CAGE1: variants seen among roughly 807,000 people sequenced by gnomAD.
CAGE1 encodes cancer-associated gene 1 protein.
In CAGE1, 66 loss-of-function variants were observed where a neutral mutation model predicts 94.9. That is an observed-to-expected ratio of 0.70 (90% confidence interval 0.57 to 0.85). The LOEUF is 0.85. Ranked by LOEUF, CAGE1 falls within the 40% of genes least tolerant of loss-of-function variation. The pLI, the probability that CAGE1 is intolerant of heterozygous loss-of-function variation, is 0.00. For missense variants in CAGE1, 865 were observed against 950.4 expected (o/e 0.91, Z 1.18); for synonymous variants, 319 against 321.0 (o/e 0.99, Z 0.07).
intron 4 of CAGE1, 33 bp from the exon 5 acceptor site, chr6:7,374,164 C>G: frequency 6.5e-7 from 1 of 1,544,868 alleles, no homozygotes; most frequent in South Asian, 1.2e-5. Context: ...TAAGTGTGAA[C>G]GAGTAGAAAG....
chr6:7,344,259 C>T (rs930021455), intron 11 of CAGE1, among the ~76,000 whole-genome samples: 2 of 152,196 alleles, frequency 1.3e-5, no homozygotes, highest in African/African-American at 2.4e-5. Context: ...GTGGCGCTTG[C>T]GGGCCAGCTG....
Position 7,389,701 on chromosome 6 carries a change from G to A in CAGE1, c.-523C>T. ...CTCAACACGCCTTCCTGAGAGCACA[G>A]AACATCCACAGCCCTATACAGCGCG... On this transcript the variant is annotated 5_prime_UTR_variant, in exon 1 of 14. Transcript: ENST00000502583. The A allele has an allele frequency of 6.0e-6, 3 of 496,328 alleles. No individual in the cohort carries two copies. Among genetic ancestry groups the A allele is most frequent in the Non-Finnish European group, 7.3e-6 (2 of 273,430 alleles). The allele number at this position is 496,328 out of a possible 1,614,324, so 30.7% of individuals were successfully genotyped here. A position where few individuals can be genotyped will look rare whatever the true frequency, so the allele number is the denominator to read the frequency against.
chr6:7,340,846 CT>C, intron 11 of CAGE1: 1 of 412,076 alleles, frequency 2.4e-6, no homozygotes. Flanking sequence ...GCAAAGCCTG[CT>C]TCTGTTCCTG....
Position 7,385,851 on chromosome 6 carries a change from T to C in CAGE1, c.217A>G (p.Arg73Gly). The change falls in exon 3 of 14, where the codon AGG (arginine) becomes GGG (glycine). Residue 73 changes from arginine to glycine, a missense_variant. Transcript: ENST00000502583. ...AGTGTGGATTCATACTCATTTTCCCTTTCAAAATTCTTTATTTCGTTCTGT... is the reference window on the plus strand; with the variant it reads ...AGTGTGGATTCATACTCATTTTCCCCTTCAAAATTCTTTATTTCGTTCTGT... ...LPQNEIKNFE[R>G]ENEYESTLCE... 6.5e-7 allele frequency: 1 copy of C among 1,537,110 alleles called. No homozygotes were observed. Among genetic ancestry groups the C allele is most frequent in the Non-Finnish European group, 8.8e-7 (1 of 1,141,284 alleles).
intron 11 of CAGE1, 110 bp from the exon 12 acceptor site, chr6:7,334,200 C>G: frequency 1.6e-6 from 1 of 613,472 alleles, no homozygotes; most frequent in Non-Finnish European, 2.8e-6. Flanking sequence ...ATCTAATTAT[C>G]TATATGCTAT....
At chr6:7,381,811 G>A (rs979485514) in intron 3 of CAGE1, among the ~76,000 whole-genome samples, 3 of 151,068 alleles carry the variant, frequency 2.0e-5, no homozygotes, top group East Asian at 3.9e-4. Flanking sequence ...TTACAAGTGT[G>A]AGCCACTGTG....
chr6:7,337,480 G>A (rs1235980161), intron 11 of CAGE1, among the ~76,000 whole-genome samples: 2 of 152,112 alleles, frequency 1.3e-5, no homozygotes, highest in Non-Finnish European at 2.9e-5. Flanking sequence ...TGTTCTTCTA[G>A]ATATTTTATG....
At chr6:7,363,485 C>T (rs1760225797) in intron 9 of CAGE1, among the ~76,000 whole-genome samples, 1 of 152,190 alleles carries the variant, frequency 6.6e-6, no homozygotes, top group South Asian at 2.1e-4. Context: ...TCTAGCCTCT[C>T]TTAGTCTATA....
intron 9 of CAGE1, among the ~76,000 whole-genome samples, chr6:7,360,811 G>C (rs1341519927): frequency 6.6e-6 from 1 of 152,092 alleles, no homozygotes; most frequent in African/African-American, 2.4e-5. Context: ...GCCAGGTGGG[G>C]TAGTGCACGC....
chr6:7,377,930 A>G (rs1192878646), intron 4 of CAGE1, among the ~76,000 whole-genome samples: 1 of 152,198 alleles, frequency 6.6e-6, no homozygotes, highest in African/African-American at 2.4e-5. Flanking sequence ...CCAAATGATA[A>G]ACTAATATTT....
intron 4 of CAGE1, among the ~76,000 whole-genome samples, chr6:7,375,956 A>C (rs1163466491): frequency 6.6e-6 from 1 of 152,094 alleles, no homozygotes; most frequent in Non-Finnish European, 1.5e-5. Context: ...GCATCCCCTA[A>C]AGTTAACGTG....
Position 7,389,436 on chromosome 6 carries a change from G to A in CAGE1, c.-258C>T. On this transcript the variant is annotated 5_prime_UTR_variant, in exon 1 of 14. Coordinates refer to ENST00000502583, the MANE Select transcript of CAGE1 (RefSeq NM_001170692.2). ...GCTCCCGGAGTGCTGGAACGCCCCT[G>A]TGTGACGTCCGCCCGCGCCGGGGGA... The A allele has an allele frequency of 4.7e-6, 2 of 422,836 alleles. No individual in the cohort carries two copies. The highest frequency in any genetic ancestry group is 3.2e-5 in the South Asian group (2 of 61,824). The allele number at this position is 422,836 out of a possible 1,614,324, so 26.2% of individuals were successfully genotyped here. A position where few individuals can be genotyped will look rare whatever the true frequency, so the allele number is the denominator to read the frequency against.
intron 11 of CAGE1, among the ~76,000 whole-genome samples, chr6:7,336,745 A>T (rs1049733497): frequency 8.5e-5 from 13 of 152,126 alleles, no homozygotes; most frequent in African/African-American, 2.7e-4. Flanking sequence ...CCTGGACTCA[A>T]GTGATCCTGT....
intron 12 of CAGE1, chr6:7,331,566 C>A: frequency 2.8e-6 from 1 of 356,120 alleles, no homozygotes; most frequent in South Asian, 4.3e-5. Flanking sequence ...ACACACCATT[C>A]TGGGCCCCAT....
rs1219214408 is a variant in CAGE1 at position 7,352,293 on chromosome 6, AAAAAAAAAAAAAC to A, written c.2369+2735_2369+2747del. On this transcript the variant is annotated intron_variant, in intron 11 of 13. Coordinates refer to ENST00000502583, the MANE Select transcript of CAGE1 (RefSeq NM_001170692.2). ...TCAAGCCTTTTTACAATAGCTGCAA[AAAAAAAAAAAAAC>A]AAAAAAAAACAAAAAAAAAAAACCT... 3.7e-3 allele frequency among the ~76,000 whole-genome samples: 352 copies of A among 96,098 alleles called. 3 individuals carry two copies. Among genetic ancestry groups the A allele is most frequent in the African/African-American group, 0.026 (331 of 12,934 alleles). 63.0% of individuals were successfully genotyped at this position (96,098 alleles called of 152,430 possible).
In CAGE1 at chr6:7,363,146, T is replaced by C. The variant is rs527684227; in HGVS notation, c.2193+2322A>G. On this transcript the variant is annotated intron_variant, in intron 9 of 13. Coordinates refer to ENST00000502583, the MANE Select transcript of CAGE1 (RefSeq NM_001170692.2). ...TTAGCTGGGTGTGGTGGTGGGTGCT[T>C]GTAATCCCAGCTACTTAGGAGGCTG... Among the ~76,000 whole-genome samples, 13 of 152,230 alleles carry C rather than the reference T, an allele frequency of 8.5e-5. No individual in the cohort carries two copies. The East Asian group carries it at 1.9e-3, about 23-fold the overall frequency.
chr6:7,349,510 C>CA (rs925309559), intron 11 of CAGE1, among the ~76,000 whole-genome samples: 59 of 150,066 alleles, frequency 3.9e-4, no homozygotes, highest in African/African-American at 1.1e-3. Context: ...ATTTAAAAAA[C>CA]AAAAAAAAAC....
At chr6:7,351,787 ATCT>A (rs1344927815) in intron 11 of CAGE1, among the ~76,000 whole-genome samples, 1 of 152,314 alleles carries the variant, frequency 6.6e-6, no homozygotes, top group African/African-American at 2.4e-5. Context: ...AAATCATATG[ATCT>A]TCTCAATAGA....
intron 9 of CAGE1, among the ~76,000 whole-genome samples, chr6:7,359,230 A>G (rs1400750972): frequency 6.6e-6 from 1 of 152,098 alleles, no homozygotes; most frequent in African/African-American, 2.4e-5. Flanking sequence ...ATTTTTTAGT[A>G]GAGATGGGAT....
Sources: allele counts gnomAD v4.1 joint callset (sites outside exome capture counted in the v4.1 genomes callset), GRCh38; gene constraint gnomAD v4.1.1; transcripts MANE v1.5; gene names NCBI Gene and HGNC (gene_info 2026-07-23, HGNC 2026-07-21).